AMOTL1: variants seen among roughly 807,000 people sequenced by gnomAD.
The protein encoded by AMOTL1 is angiomotin like 1.
Under a neutral mutation model 102.9 loss-of-function variants are expected in AMOTL1, and 45 were observed. The observed-to-expected ratio is 0.44, with a 90% confidence interval of 0.34 to 0.56. The LOEUF (loss-of-function observed/expected upper bound fraction) is 0.56, where lower values mean the gene tolerates loss of function less well. Ranked by LOEUF, AMOTL1 falls within the 20% of genes least tolerant of loss-of-function variation. The pLI is 0.01. For synonymous variants in AMOTL1, 481 were observed against 484.7 expected, an observed-to-expected ratio of 0.99 and a Z score of 0.10; for missense variants, 1,114 against 1,225.6, an observed-to-expected ratio of 0.91 and a Z score of 1.36.
At chr11:94,709,217 T>C (rs1949981680) in intron 1 of AMOTL1, among the ~76,000 whole-genome samples, 1 of 152,164 alleles carries the variant, frequency 6.6e-6, no homozygotes, top group South Asian at 2.1e-4. Context: ...GGTTGACCAA[T>C]AGAAAGAGAA....
chr11:94,771,398 A>T (rs1173380590), intron 1 of AMOTL1, among the ~76,000 whole-genome samples: 1 of 152,122 alleles, frequency 6.6e-6, no homozygotes, highest in African/African-American at 2.4e-5. Context: ...AGAATTTAGT[A>T]GGTAATAAAA....
chr11:94,768,923 C>T (rs1950899544), intron 1 of AMOTL1, among the ~76,000 whole-genome samples: 1 of 151,998 alleles, frequency 6.6e-6, no homozygotes, highest in African/African-American at 2.4e-5. Context: ...GGTCTCGCGG[C>T]GAGGGAGGGG....
chr11:94,784,699 C>T (rs975058190), intron 1 of AMOTL1, among the ~76,000 whole-genome samples: 18 of 151,862 alleles, frequency 1.2e-4, no homozygotes, highest in Admixed American at 1.1e-3. Context: ...TTCAGTTTAC[C>T]ACAACTTTTC....
chr11:94,716,470 A>G (rs1360885079), intron 1 of AMOTL1, among the ~76,000 whole-genome samples: 4 of 152,096 alleles, frequency 2.6e-5, no homozygotes, highest in African/African-American at 9.7e-5. Context: ...TACTACTTAG[A>G]TCTTTTATTT....
intron 1 of AMOTL1, among the ~76,000 whole-genome samples, chr11:94,711,548 T>C (rs1414174279): frequency 6.6e-6 from 1 of 152,146 alleles, no homozygotes; most frequent in Admixed American, 6.5e-5. Context: ...AATCAAAATA[T>C]CACTAACCAT....
chr11:94,811,087 C>G (rs1394538575), intron 3 of AMOTL1, among the ~76,000 whole-genome samples: 2 of 152,156 alleles, frequency 1.3e-5, no homozygotes, highest in African/African-American at 4.8e-5. Flanking sequence ...CCTTAGCTAC[C>G]TTTAGCTACT....
At chr11:94,810,527 T>C (rs543077631) in intron 3 of AMOTL1, among the ~76,000 whole-genome samples, 2 of 145,086 alleles carry the variant, frequency 1.4e-5, no homozygotes, top group African/African-American at 5.1e-5. Flanking sequence ...AGAAATGAGG[T>C]ATGAGGTAAT....
chr11:94,766,278 A>G (rs1219139353), upstream of AMOTL1, among the ~76,000 whole-genome samples: 3 of 152,216 alleles, frequency 2.0e-5, no homozygotes, highest in Non-Finnish European at 2.9e-5. Context: ...TAGCAAATGT[A>G]TATTGAATAC....
rs551339574 is a variant in AMOTL1 at position 94,859,606 on chromosome 11, C to T, written c.2026C>T (p.Arg676Trp). The T allele has an allele frequency of 5.0e-6, 8 of 1,613,854 alleles. No homozygotes were observed. Among genetic ancestry groups the T allele is most frequent in the African/African-American group, 1.3e-5 (1 of 75,034 alleles). The change falls in exon 9 of 13, where the codon CGG (arginine) becomes TGG (tryptophan). Residue 676 changes from arginine to tryptophan, a missense_variant. By Grantham distance (101) the Arg-to-Trp change is moderately radical. Coordinates refer to ENST00000433060, the MANE Select transcript of AMOTL1 (RefSeq NM_130847.3). The stretch of plus-strand genomic sequence containing the variant: ...GGAACTTGTGCGGGAGAAGGAGGAG[C>T]GGATCCTGGCCCTGGAGGCCGACAT... Reference protein sequence around the residue: ...LLELVREKEERILALEADMTK... With the variant: ...LLELVREKEEWILALEADMTK...
chr11:94,849,869 G>T (rs137869435), intron 6 of AMOTL1, among the ~76,000 whole-genome samples: 53 of 152,254 alleles, frequency 3.5e-4, no homozygotes, highest in African/African-American at 1.2e-3. Flanking sequence ...CGAGAATATA[G>T]GGTCACTGGT....
intron 2 of AMOTL1, among the ~76,000 whole-genome samples, chr11:94,732,543 C>G (rs1268508964): frequency 1.3e-5 from 2 of 152,062 alleles, no homozygotes; most frequent in Non-Finnish European, 2.9e-5. Flanking sequence ...ACATGCAGTC[C>G]CTGACATATG....
At chr11:94,819,392 A>T (rs1191609486) in intron 3 of AMOTL1, among the ~76,000 whole-genome samples, 1 of 152,218 alleles carries the variant, frequency 6.6e-6, no homozygotes, top group African/African-American at 2.4e-5. Context: ...ACACAAAGTC[A>T]TCCCTCTGCT....
intron 7 of AMOTL1, among the ~76,000 whole-genome samples, chr11:94,850,994 A>T (rs922487289): frequency 6.6e-6 from 1 of 152,256 alleles, no homozygotes; most frequent in Non-Finnish European, 1.5e-5. Flanking sequence ...ATGTTTCATC[A>T]GATTTCAAAC....
At chr11:94,830,023 C>A in intron 4 of AMOTL1, 27 bp from the exon 5 acceptor site, 1 of 1,564,338 alleles carries the variant, frequency 6.4e-7, no homozygotes, top group South Asian at 1.2e-5. Context: ...TCAAAGGTAC[C>A]ACTTTAATGC....
At chr11:94,768,296 G>T (rs553165809), upstream of AMOTL1, 76 of 1,339,792 alleles carry the variant, frequency 5.7e-5, no homozygotes, top group Admixed American at 7.1e-5. Context: ...TTCTAGTGAC[G>T]AGCCCGGGCG....
intron 9 of AMOTL1, among the ~76,000 whole-genome samples, chr11:94,862,922 A>G (rs536094190): frequency 7.2e-5 from 11 of 152,340 alleles, no homozygotes; most frequent in African/African-American, 2.6e-4. Context: ...ACATTCTCAC[A>G]TATGCCCTCT....
Position 94,800,243 on chromosome 11 carries a change from T to C in AMOTL1, c.1053T>C (p.Ala351=), listed in dbSNP as rs1411869835. The C allele has an allele frequency of 6.2e-7, 1 of 1,613,920 alleles. No individual in the cohort carries two copies. The change falls in exon 3 of 13, where the codon GCT becomes GCC. Residue 351 remains alanine (A), a synonymous_variant. Transcript: ENST00000433060. The stretch of plus-strand genomic sequence containing the variant: ...ACGAGATGGTCAAGCCCTACCCTGC[T>C]CCTCAGCCTGTGAGAACAGATGTGG... ...MLHEMVKPYP[A]PQPVRTDVAV...
intron 3 of AMOTL1, among the ~76,000 whole-genome samples, chr11:94,762,821 G>A (rs555690910): frequency 9.2e-5 from 14 of 152,196 alleles, no homozygotes; most frequent in Non-Finnish European, 1.6e-4. Context: ...TGTGTTTAGT[G>A]CATATTAGGT....
intron 9 of AMOTL1, among the ~76,000 whole-genome samples, chr11:94,863,441 A>G (rs1952814993): frequency 6.6e-6 from 1 of 152,066 alleles, no homozygotes; most frequent in Non-Finnish European, 1.5e-5. Context: ...AAAAATACAA[A>G]ATTAGCCAGA....
Sources: gnomAD v4.1 joint callset for allele counts (sites outside exome capture counted in the v4.1 genomes callset) on GRCh38, gnomAD v4.1.1 for gene constraint, MANE v1.5 for transcripts, NCBI Gene and HGNC (gene_info 2026-07-23, HGNC 2026-07-21) for gene names.